RGS5: variants seen among roughly 807,000 people sequenced by gnomAD.
RGS5 encodes the protein regulator of G protein signaling 5, also known as regulator of G-protein signalling 5.
In RGS5, 20 loss-of-function variants were observed where a neutral mutation model predicts 18.9. That is an observed-to-expected ratio of 1.06 (90% CI 0.74 to 1.54). RGS5 has a LOEUF of 1.54. RGS5 is among the 40% of genes most tolerant of loss of function. RGS5 has a pLI of 0.00. For missense variants in RGS5, 201 were observed against 211.8 expected (o/e 0.95, Z 0.32); for synonymous variants, 57 against 76.2 (o/e 0.75, Z 1.31).
At chr1:163,258,596 A>C (rs1480797685) in intron 2 of RGS5, among the ~76,000 whole-genome samples, 1 of 152,060 alleles carries the variant, frequency 6.6e-6, no homozygotes, top group Non-Finnish European at 1.5e-5. Flanking sequence ...TATTTAACCA[A>C]AACATCCACA....
intron 2 of RGS5, among the ~76,000 whole-genome samples, chr1:163,249,768 G>A (rs1411705958): frequency 2.0e-5 from 3 of 152,106 alleles, no homozygotes; most frequent in Non-Finnish European, 4.4e-5. Flanking sequence ...TCCAACCTGA[G>A]CAACAGAGCA....
chr1:163,202,296 G>A (rs1221497878), intron 1 of RGS5, among the ~76,000 whole-genome samples: 1 of 152,104 alleles, frequency 6.6e-6, no homozygotes, highest in African/African-American at 2.4e-5. Flanking sequence ...ATGGTTCTGA[G>A]TGCTTCATAT....
At position 163,228,235 on chromosome 1, in the gene RGS5, C is replaced by T. The variant is rs138991421; in HGVS notation, c.-280-59867G>A. On this transcript the variant is annotated intron_variant, in intron 2 of 5. Transcript: ENST00000618415. ...AGAGGTTCTCCATGATGGCTCTGCC[C>T]CTGCAGCAGACTTCTGCCTGTACAT... is the stretch of plus-strand genomic sequence containing the variant. Among the ~76,000 whole-genome samples the T allele has an allele frequency of 4.9e-3, 742 of 152,338 alleles. 5 individuals are homozygous for T. The highest frequency in any genetic ancestry group is 0.017 in the African/African-American group (699 of 41,588).
intron 1 of RGS5, among the ~76,000 whole-genome samples, chr1:163,184,116 C>T (rs73024780): frequency 0.21 from 31,546 of 151,930 alleles, 3,697 homozygotes; most frequent in African/African-American, 0.32. Context: ...GTCTCTAAGT[C>T]AGAGATCTGG....
chr1:163,236,796 A>C (rs920925109), intron 2 of RGS5, among the ~76,000 whole-genome samples: 3 of 152,104 alleles, frequency 2.0e-5, no homozygotes, highest in South Asian at 2.1e-4. Flanking sequence ...ACCCATCTCT[A>C]CTAAAAATAC....
chr1:163,168,151 T>C, intron 2 of RGS5, 107 bp downstream of exon 2: 1 of 800,278 alleles, frequency 1.2e-6, no homozygotes, highest in South Asian at 1.8e-5. Flanking sequence ...TTATGATCCT[T>C]AATGAGTAAT....
chr1:163,257,705 GATACCAACACACACTGGA>G (rs1406904317), intron 2 of RGS5, among the ~76,000 whole-genome samples: 1 of 152,130 alleles, frequency 6.6e-6, no homozygotes, highest in Non-Finnish European at 1.5e-5. Context: ...CCTAGACAAA[GATACCAACACACACTGGA>G]ATATTGTAAC....
chr1:163,190,982 G>T lies in RGS5; in HGVS notation c.44+11810C>A, dbSNP rs1254010426. Reference sequence around the variant, plus strand: ...CCCTTTCAGGTTTGAAAGGTGATTGGATCAATACATATATATATATATCCC... The same window carrying T: ...CCCTTTCAGGTTTGAAAGGTGATTGTATCAATACATATATATATATATCCC... On this transcript the variant is annotated intron_variant, in intron 1 of 4. Transcript: ENST00000313961. Among the ~76,000 whole-genome samples, 4 of 140,266 alleles carry T rather than the reference G, an allele frequency of 2.9e-5. No individual in the cohort carries two copies. In the East Asian group the frequency reaches 7.8e-4, roughly 27 times the overall value. The allele number at this position is 140,266 out of a possible 152,430, so 92.0% of individuals were successfully genotyped here.
At chr1:163,181,090 CT>C (rs532508661) in intron 1 of RGS5, among the ~76,000 whole-genome samples, 131 of 152,184 alleles carry the variant, frequency 8.6e-4, no homozygotes, top group African/African-American at 3.0e-3. Flanking sequence ...CAACCTTTGC[CT>C]CTGGCTTTTC....
intron 2 of RGS5, among the ~76,000 whole-genome samples, chr1:163,296,192 T>C (rs1241451831): frequency 1.3e-5 from 2 of 152,180 alleles, no homozygotes; most frequent in South Asian, 4.1e-4. Context: ...CTATTCTTAC[T>C]GCAACTATCT....
intron 4 of RGS5, among the ~76,000 whole-genome samples, chr1:163,150,585 C>A (rs1657332845): frequency 6.6e-6 from 1 of 152,134 alleles, no homozygotes; most frequent in Non-Finnish European, 1.5e-5. Flanking sequence ...TAGGGTAGAG[C>A]TAACATATGT....
At chr1:163,304,195 G>A (rs1401467212) in intron 2 of RGS5, 3 of 152,106 alleles carry the variant, frequency 2.0e-5, no homozygotes, top group South Asian at 2.1e-4. Flanking sequence ...TAGAACCAGG[G>A]AAGACATAAG....
chr1:163,220,427 C>G (rs1365592664), upstream of RGS5, among the ~76,000 whole-genome samples: 4 of 152,234 alleles, frequency 2.6e-5, no homozygotes, highest in Non-Finnish European at 5.9e-5. Context: ...GTGTGTTGCA[C>G]TTAGTCATCA....
intron 1 of RGS5, among the ~76,000 whole-genome samples, chr1:163,320,543 T>C (rs143951745): frequency 2.6e-5 from 4 of 152,338 alleles, no homozygotes; most frequent in African/African-American, 4.8e-5. Context: ...TTCCCTTCCC[T>C]GCCTCTAAGG....
At chr1:163,274,906 A>C (rs113300376) in intron 2 of RGS5, among the ~76,000 whole-genome samples, 10,006 of 152,198 alleles carry the variant, frequency 0.066, 367 homozygotes, top group Middle Eastern at 0.13. Flanking sequence ...CGCTTGAGCC[A>C]ACGAGTTCAA....
chr1:163,277,485 A>G (rs970828842), intron 2 of RGS5, among the ~76,000 whole-genome samples: 2 of 152,146 alleles, frequency 1.3e-5, no homozygotes, highest in Non-Finnish European at 2.9e-5. Context: ...CATCCTTTAA[A>G]ATGTAGGACA....
chr1:163,290,197 AC>A (rs1342290275), intron 2 of RGS5, among the ~76,000 whole-genome samples: 1 of 152,130 alleles, frequency 6.6e-6, no homozygotes, highest in Admixed American at 6.6e-5. Context: ...CACGCATTTC[AC>A]CACAAAGCAG....
At chr1:163,191,800 G>A (rs936078430) in intron 1 of RGS5, among the ~76,000 whole-genome samples, 1 of 152,080 alleles carries the variant, frequency 6.6e-6, no homozygotes, top group African/African-American at 2.4e-5. Flanking sequence ...GATAAGGGTT[G>A]GTCACTAGAA....
At chr1:163,265,475 ATTCTT>A (rs1648553183) in intron 2 of RGS5, among the ~76,000 whole-genome samples, 1 of 152,050 alleles carries the variant, frequency 6.6e-6, no homozygotes. Context: ...TGCATTTACT[ATTCTT>A]TTCTTTTTAA....
Sources: gnomAD v4.1 joint callset for allele counts (sites outside exome capture counted in the v4.1 genomes callset) on GRCh38, gnomAD v4.1.1 for gene constraint, MANE v1.5 for transcripts, NCBI Gene and HGNC (gene_info 2026-07-23, HGNC 2026-07-21) for gene names.